IDH2: variants seen among roughly 807,000 people sequenced by gnomAD.
The protein encoded by IDH2 is isocitrate dehydrogenase [NADP], mitochondrial.
IDH2 carries 18 observed loss-of-function variants against 50.5 expected under a neutral mutation model. That is an observed-to-expected ratio of 0.36 (90% CI 0.25 to 0.53). The LOEUF (loss-of-function observed/expected upper bound fraction) is 0.53, where lower values mean the gene tolerates loss of function less well. IDH2 is among the 20% of genes least tolerant of loss of function. The probability of loss-of-function intolerance (pLI) is 0.92; values close to 1 mark genes in which losing one functional copy is unlikely to be tolerated. For missense variants in IDH2, 518 were observed against 610.7 expected (o/e 0.85, Z 1.60); for synonymous variants, 280 against 239.8 (o/e 1.17, Z -1.55).
Position 90,084,766 on chromosome 15 carries a change from G to T in IDH2, c.1271+50C>A. 1.3e-6 allele frequency: 2 copies of T among 1,484,014 alleles called. No individual in the cohort carries two copies. Among genetic ancestry groups the T allele is most frequent in the South Asian group, 2.3e-5 (2 of 88,562 alleles). The allele number at this position is 1,484,014 out of a possible 1,614,324, so 91.9% of individuals were successfully genotyped here. ...GGGGGACTTTAGGAGGGGTCCCCTG[G>T]CTTCCTCCCACATGGCCCCAGGGTC... On this transcript the variant is annotated intron_variant, in intron 10 of 10. Coordinates refer to ENST00000330062, the MANE Select transcript of IDH2 (RefSeq NM_002168.4). This position sits in a 1 kb window ranked among gnomAD's most constrained non-coding sequence, Gnocchi z 5.0.
At chr15:90,093,281 A>C (rs1311556936) in intron 1 of IDH2, among the ~76,000 whole-genome samples, 1 of 152,250 alleles carries the variant, frequency 6.6e-6, no homozygotes, top group Non-Finnish European at 1.5e-5. Flanking sequence ...CTTGCACCTC[A>C]GCCTCCTTAG....
At chr15:90,087,039 G>A in intron 7 of IDH2, 73 bp downstream of exon 7, 1 of 1,534,434 alleles carries the variant, frequency 6.5e-7, no homozygotes, top group South Asian at 1.1e-5. Context: ...TCTACCAAAA[G>A]GGTCTGAAAA....
chr15:90,085,823 C>G lies in IDH2; in HGVS notation c.968-436G>C, dbSNP rs942783788. On this transcript the variant is annotated intron_variant, in intron 7 of 10. Coordinates refer to ENST00000330062, the MANE Select transcript of IDH2 (RefSeq NM_002168.4). The surrounding 1 kb of genome is among the most constrained non-coding windows in gnomAD (Gnocchi z 5.5). ...TGCAGCTACTCTCTTAGGCCACTTT[C>G]AAGCTTTTTGATTAATTTCTGAATG... is the stretch of plus-strand genomic sequence containing the variant. 1.3e-5 allele frequency among the ~76,000 whole-genome samples: 2 copies of G among 152,198 alleles called. No individual in the cohort carries two copies. The highest frequency in any genetic ancestry group is 2.9e-5 in the Non-Finnish European group (2 of 68,038).
At chr15:90,092,995 C>T (rs1366145118) in intron 1 of IDH2, among the ~76,000 whole-genome samples, 1 of 152,200 alleles carries the variant, frequency 6.6e-6, no homozygotes, top group African/African-American at 2.4e-5. Context: ...ACATGCCCAG[C>T]CCACCAGTGG....
chr15:90,084,959 G>C lies in IDH2; in HGVS notation c.1178+42C>G. On this transcript the variant is annotated intron_variant, in intron 9 of 10. Coordinates refer to ENST00000330062, the MANE Select transcript of IDH2 (RefSeq NM_002168.4). The surrounding 1 kb of genome is among the most constrained non-coding windows in gnomAD (Gnocchi z 5.0). ...CCCATCTGTGCAAGGGCAGGACCCAGAGCCTGTCCTGGGCAGCTCCGGCCT... is the reference window on the plus strand; with the variant it reads ...CCCATCTGTGCAAGGGCAGGACCCACAGCCTGTCCTGGGCAGCTCCGGCCT... 1 of 1,611,812 alleles carries C rather than the reference G, an allele frequency of 6.2e-7. No individual in the cohort carries two copies. Among genetic ancestry groups the C allele is most frequent in the Non-Finnish European group, 8.5e-7 (1 of 1,178,086 alleles).
In IDH2 at chr15:90,085,107, G is replaced by A. The variant is rs201125516; in HGVS notation, c.1081-9C>T. 9.2e-5 allele frequency: 148 copies of A among 1,612,306 alleles called. No individual in the cohort carries two copies. The East Asian group carries it at 1.2e-3, about 13-fold the overall frequency. ...GTGCTGGTGGGCCGGCCCTGGGGAC[G>A]GGGGTTGCAGGGAGATCAAGAGCCG... On this transcript the variant is annotated splice_polypyrimidine_tract_variant and intron_variant, in intron 8 of 10. Transcript: ENST00000330062. This position sits in a 1 kb window ranked among gnomAD's most constrained non-coding sequence, Gnocchi z 5.5.
rs375758522 is a variant in IDH2, at chr15:90,088,690, C to G, written c.431G>C (p.Gly144Ala). Residue 144 changes from glycine (G) to alanine (A), a missense_variant, in exon 4 of 11, where the codon GGG becomes GCG. By Grantham distance (60) the Gly-to-Ala change is moderately conservative. Coordinates refer to ENST00000330062, the MANE Select transcript of IDH2 (RefSeq NM_002168.4). ...SPNGTIRNIL[G>A]GTVFREPIIC... is the part of the protein sequence containing the mutation. ...GATGGGCTCCCGGAAGACAGTCCCC[C>G]CCAGGATGTTCCGGATAGTTCCATT... is the stretch of plus-strand genomic sequence containing the variant. The G allele has an allele frequency of 3.1e-6, 5 of 1,613,976 alleles. No homozygotes were observed. In the African/African-American group the frequency reaches 5.3e-5, roughly 17 times the overall value.
Position 90,098,547 on chromosome 15 carries a change from T to TGCATGTATGTATGTATGCATGC in IDH2, c.115+3728_115+3729insGCATGCATACATACATACATGC, listed in dbSNP as rs1567259789. Among the ~76,000 whole-genome samples the TGCATGTATGTATGTATGCATGC allele has an allele frequency of 3.9e-5, 1 of 25,524 alleles. No homozygotes were observed. The highest frequency in any genetic ancestry group is 7.1e-5 in the African/African-American group (1 of 14,132). 16.7% of individuals were successfully genotyped at this position (25,524 alleles called of 152,430 possible). On this transcript the variant is annotated intron_variant, in intron 1 of 10. Coordinates refer to ENST00000330062, the MANE Select transcript of IDH2 (RefSeq NM_002168.4). This position sits in a 1 kb window ranked among gnomAD's most constrained non-coding sequence, Gnocchi z 5.1. ...GTATGCATGCATGTATGTATGTATGTATGTATGTATGTATTGAGACAGAGT... is the reference window on the plus strand; with the variant it reads ...GTATGCATGCATGTATGTATGTATGTGCATGTATGTATGTATGCATGCATGTATGTATGTATTGAGACAGAGT...
intron 6 of IDH2, 71 bp downstream of exon 6, chr15:90,087,368 T>C: frequency 1.2e-6 from 2 of 1,613,088 alleles, no homozygotes; most frequent in Non-Finnish European, 1.7e-6. Flanking sequence ...ATAGCGACCT[T>C]CCCAGGGTAG....
At chr15:90,096,237 T>C in intron 1 of IDH2, among the ~76,000 whole-genome samples, 1 of 151,816 alleles carries the variant, frequency 6.6e-6, no homozygotes, top group South Asian at 2.1e-4. Flanking sequence ...GAGGTGGAGG[T>C]TGCAGTGAGC....
rs2151548173 is a variant in IDH2, at chr15:90,087,250, C to T, written c.829G>A (p.Asp277Asn). 1.2e-6 allele frequency: 2 copies of T among 1,614,084 alleles called. No individual in the cohort carries two copies. The highest frequency in any genetic ancestry group is 1.7e-6 in the Non-Finnish European group (2 of 1,180,036). ...QEIFDKHYKT[D>N]FDKNKIWYEH... ...TACCAGATCTTATTCTTGTCGAAGT[C>T]GGTCTTATAGTGCCTGGGAGTAAAA... Residue 277 changes from aspartate to asparagine, a missense_variant, in exon 7 of 11, where the codon GAC becomes AAC. By Grantham distance (23) the Asp-to-Asn change is conservative (BLOSUM62 1). Around this residue, in one of 5 missense-constraint regions of IDH2, gnomAD observed 207 missense variants for 208.6 expected, o/e 0.99. Transcript: ENST00000330062.
intron 1 of IDH2, among the ~76,000 whole-genome samples, chr15:90,096,828 G>A (rs1017066991): frequency 9.9e-5 from 15 of 151,860 alleles, no homozygotes; most frequent in Non-Finnish European, 2.2e-4. Flanking sequence ...GCAGGAGAAT[G>A]GCATGAACCC....
intron 3 of IDH2, 93 bp downstream of exon 3, chr15:90,090,386 G>C: frequency 7.2e-7 from 1 of 1,387,190 alleles, no homozygotes. Flanking sequence ...CCCGAGATGA[G>C]TGACATGGCC....
Position 90,085,332 on chromosome 15 carries a change from C to A in IDH2, c.1023G>T (p.Thr341=). ...TCCCATGAGCGGCCTCAGCCTCAAT[C>A]GTCTTCCCATCAGGGCAGACCAGGA... is the stretch of plus-strand genomic sequence containing the variant. ...TSVLVCPDGK[T]IEAEAAHGTV... Residue 341 remains threonine (T), a synonymous_variant, in exon 8 of 11, where the codon ACG becomes ACT. Coordinates refer to ENST00000330062, the MANE Select transcript of IDH2 (RefSeq NM_002168.4). The surrounding 1 kb of genome is among the most constrained non-coding windows in gnomAD (Gnocchi z 5.5). 6.4e-7 allele frequency: 1 copy of A among 1,553,958 alleles called. No homozygotes were observed. Among genetic ancestry groups the A allele is most frequent in the Non-Finnish European group, 8.7e-7 (1 of 1,148,120 alleles).
rs115830969 is a variant in IDH2, at chr15:90,084,197, T to C, written c.*69A>G. 9.9e-3 allele frequency: 12,817 copies of C among 1,291,990 alleles called. 104 individuals are homozygous for C. Among genetic ancestry groups the C allele is most frequent in the African/African-American group, 0.029 (1,994 of 68,496 alleles). 80.0% of individuals were successfully genotyped at this position (1,291,990 alleles called of 1,614,324 possible). On this transcript the variant is annotated 3_prime_UTR_variant, in exon 11 of 11. Transcript: ENST00000330062. This position sits in a 1 kb window ranked among gnomAD's most constrained non-coding sequence, Gnocchi z 5.0. ...GAGAGGGGCTGTGAGGCTCACCCTCTGCCGCGCTCAGGAGGACCCGCCGGC... is the reference window on the plus strand; with the variant it reads ...GAGAGGGGCTGTGAGGCTCACCCTCCGCCGCGCTCAGGAGGACCCGCCGGC...
At chr15:90,094,490 CACTT>C (rs1303409819) in intron 1 of IDH2, among the ~76,000 whole-genome samples, 4 of 152,372 alleles carry the variant, frequency 2.6e-5, no homozygotes, top group Admixed American at 2.0e-4. Context: ...TCCTCAGCCT[CACTT>C]ACAGCCCAAT....
Position 90,087,520 on chromosome 15 carries a change from G to C in IDH2, c.734C>G (p.Pro245Arg). 1 of 1,614,030 alleles carries C rather than the reference G, an allele frequency of 6.2e-7. No individual in the cohort carries two copies. Among genetic ancestry groups the C allele is most frequent in the Non-Finnish European group, 8.5e-7 (1 of 1,179,952 alleles). ...CFQYAIQKKWPLYMSTKNTIL... is the reference protein window; with the variant it reads ...CFQYAIQKKWRLYMSTKNTIL... Reference sequence around the variant, plus strand: ...GGTGTTCTTGGTGCTCATGTACAGCGGCCATTTCTTCTGGATGGCATACTG... The same window carrying C: ...GGTGTTCTTGGTGCTCATGTACAGCCGCCATTTCTTCTGGATGGCATACTG... The change falls in exon 6 of 11, where the codon CCG becomes CGG. Residue 245 changes from proline to arginine, a missense_variant. Physicochemically the swap from Pro to Arg is moderately radical, Grantham distance 103. Coordinates refer to ENST00000330062, the MANE Select transcript of IDH2 (RefSeq NM_002168.4).
At chr15:90,101,995 A>C (rs929644472) in intron 1 of IDH2, among the ~76,000 whole-genome samples, 6 of 151,318 alleles carry the variant, frequency 4.0e-5, no homozygotes, top group African/African-American at 1.5e-4. Context: ...CGAAATACCT[A>C]GGGGCGCGCG....
In IDH2 at chr15:90,098,547, T is replaced by TGC; in HGVS notation, c.115+3728_115+3729insGC. ...GTATGCATGCATGTATGTATGTATG[T>TGC]ATGTATGTATGTATTGAGACAGAGT... On this transcript the variant is annotated intron_variant, in intron 1 of 10. Transcript: ENST00000330062. This position sits in a 1 kb window ranked among gnomAD's most constrained non-coding sequence, Gnocchi z 5.1. 3.9e-5 allele frequency among the ~76,000 whole-genome samples: 1 copy of TGC among 25,520 alleles called. No individual in the cohort carries two copies. The highest frequency in any genetic ancestry group is 1.6e-4 in the Non-Finnish European group (1 of 6,322). 16.7% of individuals were successfully genotyped at this position (25,520 alleles called of 152,430 possible). A position where few individuals can be genotyped will look rare whatever the true frequency, so the allele number is the denominator to read the frequency against.
Sources: gnomAD v4.1 joint callset for allele counts (sites outside exome capture counted in the v4.1 genomes callset) on GRCh38, gnomAD v4.1.1 for gene constraint, gnomAD v4.1.1 regional missense constraint, Gnocchi (gnomAD v3.1) non-coding constraint, MANE v1.5 for transcripts, NCBI Gene and HGNC (gene_info 2026-07-23, HGNC 2026-07-21) for gene names.